DCDC2C: variants seen among roughly 807,000 people sequenced by gnomAD.
The protein encoded by DCDC2C is doublecortin domain-containing protein 2C.
Under a neutral mutation model 45.0 loss-of-function variants are expected in DCDC2C, and 44 were observed. That is an observed-to-expected ratio of 0.98 (90% CI 0.77 to 1.26). The LOEUF (loss-of-function observed/expected upper bound fraction) is 1.26, where lower values mean the gene tolerates loss of function less well. DCDC2C is among the 50% of genes most tolerant of loss of function. The pLI is 0.00. For synonymous variants in DCDC2C, 187 were observed against 178.8 expected (o/e 1.05, Z -0.37); for missense variants, 447 against 468.9 (o/e 0.95, Z 0.43).
At chr2:3,788,814 C>A (rs1241244060) in intron 10 of DCDC2C, among the ~76,000 whole-genome samples, 2 of 146,824 alleles carry the variant, frequency 1.4e-5, no homozygotes. Context: ...TCCCTTCCTC[C>A]CTTCCTGCCT....
chr2:3,778,426 G>A (rs1416512404), intron 8 of DCDC2C, among the ~76,000 whole-genome samples: 1 of 152,216 alleles, frequency 6.6e-6, no homozygotes, highest in African/African-American at 2.4e-5. Flanking sequence ...TAACCATGGA[G>A]AGTGAGAACC....
At chr2:3,793,082 T>C (rs1670864379) in intron 10 of DCDC2C, among the ~76,000 whole-genome samples, 1 of 152,188 alleles carries the variant, frequency 6.6e-6, no homozygotes, top group South Asian at 2.1e-4. Flanking sequence ...AGGATTTGTC[T>C]TTATTGATCT....
chr2:3,779,776 T>C (rs1646940782), intron 9 of DCDC2C, among the ~76,000 whole-genome samples: 1 of 67,162 alleles, frequency 1.5e-5, no homozygotes. Context: ...CGGGAGTCAC[T>C]TTTTTTTGCT....
chr2:3,791,058 G>A (rs1429374948), intron 10 of DCDC2C, among the ~76,000 whole-genome samples: 5 of 152,116 alleles, frequency 3.3e-5, no homozygotes, highest in South Asian at 2.1e-4. Context: ...TGCAGGAGCC[G>A]AGATCGCGCC....
chr2:3,805,562 C>T (rs1671217360), intron 10 of DCDC2C, among the ~76,000 whole-genome samples: 2 of 152,216 alleles, frequency 1.3e-5, no homozygotes, highest in Admixed American at 1.3e-4. Flanking sequence ...AATAATGTGT[C>T]ACCTTGTGCC....
At chr2:3,746,669 C>A (rs1044865131) in intron 4 of DCDC2C, among the ~76,000 whole-genome samples, 71 of 152,298 alleles carry the variant, frequency 4.7e-4, no homozygotes, top group African/African-American at 1.5e-3. Flanking sequence ...AACAAAACAT[C>A]TGGAAGAACA....
intron 6 of DCDC2C, among the ~76,000 whole-genome samples, chr2:3,757,982 C>T (rs751420811): frequency 5.3e-5 from 8 of 152,120 alleles, no homozygotes; most frequent in Admixed American, 6.5e-5. Context: ...GAGCTGGGCT[C>T]CCCAGGAAGA....
intron 10 of DCDC2C, among the ~76,000 whole-genome samples, chr2:3,798,957 G>C (rs566071371): frequency 6.6e-6 from 1 of 152,332 alleles, no homozygotes; most frequent in South Asian, 2.1e-4. Context: ...ATAATATCCT[G>C]CAGAGTGTTT....
At chr2:3,823,684 GT>G (rs570069732) in intron 10 of DCDC2C, among the ~76,000 whole-genome samples, 14 of 151,994 alleles carry the variant, frequency 9.2e-5, no homozygotes, top group African/African-American at 2.2e-4. Flanking sequence ...TGTGTTGATA[GT>G]TTTTTTTCTT....
intron 8 of DCDC2C, among the ~76,000 whole-genome samples, chr2:3,778,504 C>A (rs571495419): frequency 6.6e-6 from 1 of 152,236 alleles, no homozygotes; most frequent in South Asian, 2.1e-4. Flanking sequence ...AGCAGAGGGC[C>A]CTGGGTGGGG....
At chr2:3,781,413 A>G (rs1468559545) in intron 9 of DCDC2C, among the ~76,000 whole-genome samples, 1 of 152,248 alleles carries the variant, frequency 6.6e-6, no homozygotes, top group African/African-American at 2.4e-5. Context: ...CAACTTATGT[A>G]TCATTCAGTG....
intron 3 of DCDC2C, among the ~76,000 whole-genome samples, chr2:3,737,441 G>A (rs1669063772): frequency 6.6e-6 from 1 of 152,250 alleles, no homozygotes; most frequent in African/African-American, 2.4e-5. Flanking sequence ...TGAAGATAGC[G>A]TGGCAATGGA....
chr2:3,795,658 G>A (rs1343044232), intron 10 of DCDC2C, among the ~76,000 whole-genome samples: 2 of 103,068 alleles, frequency 1.9e-5, no homozygotes, highest in African/African-American at 4.1e-5. Context: ...TCTCAGGTTT[G>A]TCAAAGATCA....
At chr2:3,814,318 A>G (rs569514012) in intron 10 of DCDC2C, among the ~76,000 whole-genome samples, 1 of 152,222 alleles carries the variant, frequency 6.6e-6, no homozygotes, top group Admixed American at 6.5e-5. Flanking sequence ...CAATTTGGCT[A>G]TTGATACTTG....
chr2:3,778,058 G>A (rs1466332769), intron 8 of DCDC2C, among the ~76,000 whole-genome samples: 1 of 131,488 alleles, frequency 7.6e-6, no homozygotes, highest in African/African-American at 2.7e-5. Flanking sequence ...CTGTGTGGAC[G>A]GGACACCCCC....
At position 3,798,500 on chromosome 2, in the gene DCDC2C, G is replaced by A. The variant is rs879491694; in HGVS notation, c.1065+13400G>A. ...TTACATTTTGGCATGATTTTGCAGC[G>A]GCTGGTACCGGTTGTTCCTTTCCAT... On this transcript the variant is annotated intron_variant, in intron 10 of 10. Transcript: ENST00000399143. Among the ~76,000 whole-genome samples the A allele has an allele frequency of 5.3e-4, 79 of 147,936 alleles. 1 individual carries two copies. Among genetic ancestry groups the A allele is most frequent in the Non-Finnish European group, 8.0e-4 (53 of 66,016 alleles).
At chr2:3,763,361 C>T (rs994198235) in intron 6 of DCDC2C, among the ~76,000 whole-genome samples, 21 of 152,304 alleles carry the variant, frequency 1.4e-4, no homozygotes, top group African/African-American at 4.1e-4. Flanking sequence ...CTGGTGAGCG[C>T]GGCTCGAGAT....
chr2:3,727,909 G>T (rs60988707), intron 3 of DCDC2C, among the ~76,000 whole-genome samples: 1 of 152,174 alleles, frequency 6.6e-6, no homozygotes, highest in Admixed American at 6.5e-5. Context: ...TTGTCACAGC[G>T]TAGCAGTTCT....
At chr2:3,757,949 G>A (rs777426586) in intron 6 of DCDC2C, among the ~76,000 whole-genome samples, 3 of 152,246 alleles carry the variant, frequency 2.0e-5, no homozygotes, top group Non-Finnish European at 4.4e-5. Flanking sequence ...AGCACTGTGA[G>A]AGTGGGCACG....
Sources: allele counts gnomAD v4.1 joint callset (sites outside exome capture counted in the v4.1 genomes callset), GRCh38; gene constraint gnomAD v4.1.1; transcripts MANE v1.5; gene names NCBI Gene and HGNC (gene_info 2026-07-23, HGNC 2026-07-21).